Variants in PCDHA12 observed in about 807,000 individuals in gnomAD.
PCDHA12 encodes protocadherin alpha-12.
A neutral mutation model predicts 60.0 loss-of-function variants in PCDHA12; 44 were observed. That is an observed-to-expected ratio of 0.73 (90% CI 0.58 to 0.94). PCDHA12 has a LOEUF of 0.94. Among genes scored for constraint, PCDHA12 ranks in the 40% least tolerant of loss-of-function variants. The pLI is 0.00. For missense variants in PCDHA12, 1,276 were observed against 1,239.7 expected (o/e 1.03, Z -0.44); for synonymous variants, 569 against 553.0 (o/e 1.03, Z -0.40).
At chr5:140,952,794 G>T (rs2094798904) in intron 1 of PCDHA12, among the ~76,000 whole-genome samples, 1 of 152,140 alleles carries the variant, frequency 6.6e-6, no homozygotes, top group Admixed American at 6.5e-5. Context: ...GGTTTAACTG[G>T]CTCGCAGTTC....
chr5:140,990,055 C>T (rs1563562429), intron 3 of PCDHA12, among the ~76,000 whole-genome samples: 2 of 151,866 alleles, frequency 1.3e-5, no homozygotes, highest in Non-Finnish European at 1.5e-5. Context: ...GATGGTAATA[C>T]TTAAAGGAAA....
At position 140,877,155 on chromosome 5, in the gene PCDHA12, C is replaced by T; in HGVS notation, c.1683C>T (p.Asn561=). The T allele has an allele frequency of 1.2e-6, 2 of 1,613,798 alleles. No individual in the cohort carries two copies. Among genetic ancestry groups the T allele is most frequent in the Non-Finnish European group, 1.7e-6 (2 of 1,179,840 alleles). ...TGTTCGTGCTGGACGAGAACGACAACGCGCCGGCACTGCTGGCGACTCCGG... is the reference window on the plus strand; with the variant it reads ...TGTTCGTGCTGGACGAGAACGACAATGCGCCGGCACTGCTGGCGACTCCGG... ...LQVFVLDEND[N]APALLATPAG... Residue 561 remains asparagine (N), a synonymous_variant, in exon 1 of 4, where the codon AAC becomes AAT. Transcript: ENST00000398631.
chr5:140,897,311 C>T (rs1460942002), intron 1 of PCDHA12, among the ~76,000 whole-genome samples: 7 of 150,308 alleles, frequency 4.7e-5, no homozygotes, highest in Non-Finnish European at 7.4e-5. Context: ...TTAGGTATAT[C>T]TCCTAAAGCT....
At chr5:140,926,517 C>G (rs1428470636) in intron 1 of PCDHA12, 1 of 201,972 alleles carries the variant, frequency 5.0e-6, no homozygotes. Flanking sequence ...CCAGGCTCCG[C>G]CCTGCGCCCG....
intron 3 of PCDHA12, among the ~76,000 whole-genome samples, chr5:140,988,599 G>A (rs782117836): frequency 6.6e-6 from 1 of 152,154 alleles, no homozygotes; most frequent in Non-Finnish European, 1.5e-5. Flanking sequence ...TAATGGTCAT[G>A]TAAATAAAAG....
In PCDHA12 at chr5:140,982,461, G is replaced by A. The variant is rs765899879; in HGVS notation, c.2427-14G>A. The A allele has an allele frequency of 4.7e-5, 76 of 1,614,088 alleles. No individual in the cohort carries two copies. The highest frequency in any genetic ancestry group is 5.8e-5 in the Non-Finnish European group (68 of 1,180,014). On this transcript the variant is annotated splice_polypyrimidine_tract_variant and intron_variant, in intron 2 of 3. Coordinates refer to ENST00000398631, the MANE Select transcript of PCDHA12 (RefSeq NM_018903.4). ...TATGATCTAACCGTTATCTGGGTCTGTGTGTTTATTCAGCTCTGTGCACCT... is the reference window on the plus strand; with the variant it reads ...TATGATCTAACCGTTATCTGGGTCTATGTGTTTATTCAGCTCTGTGCACCT...
intron 1 of PCDHA12, chr5:140,882,620 C>T: frequency 6.2e-7 from 1 of 1,614,220 alleles, no homozygotes; most frequent in Non-Finnish European, 8.5e-7. Flanking sequence ...GCAGGTTTTC[C>T]ATGTGGAGGT....
intron 1 of PCDHA12, among the ~76,000 whole-genome samples, chr5:140,976,377 C>T (rs1472568038): frequency 2.0e-5 from 3 of 151,896 alleles, no homozygotes; most frequent in Admixed American, 6.6e-5. Flanking sequence ...ATGGTGAAAC[C>T]CCATCTCTAC....
At chr5:140,978,587 T>C (rs1260706970) in intron 1 of PCDHA12, among the ~76,000 whole-genome samples, 5 of 152,250 alleles carry the variant, frequency 3.3e-5, no homozygotes, top group Admixed American at 6.5e-5. Context: ...GAATGTTCCC[T>C]TAATGGGGCA....
At chr5:140,890,237 A>G (rs1554184228) in intron 1 of PCDHA12, among the ~76,000 whole-genome samples, 1 of 152,154 alleles carries the variant, frequency 6.6e-6, no homozygotes, top group East Asian at 1.9e-4. Flanking sequence ...TTAAGCATTT[A>G]CCAGTACACT....
chr5:140,877,000 G>C lies in PCDHA12; in HGVS notation c.1528G>C (p.Val510Leu). The change falls in exon 1 of 4, where the codon GTG becomes CTG. Residue 510 changes from valine to leucine, a missense_variant. Transcript: ENST00000398631. The part of the protein sequence containing the change: ...GEHALSSYVS[V>L]HAESGKVYAL... Reference sequence around the variant, plus strand: ...GCACGCACTGTCGAGCTACGTGTCGGTGCACGCGGAGAGCGGCAAGGTGTA... The same window carrying C: ...GCACGCACTGTCGAGCTACGTGTCGCTGCACGCGGAGAGCGGCAAGGTGTA... 1 of 1,612,598 alleles carries C rather than the reference G, an allele frequency of 6.2e-7. No homozygotes were observed. Among genetic ancestry groups the C allele is most frequent in the Non-Finnish European group, 8.5e-7 (1 of 1,179,806 alleles).
chr5:140,895,692 A>G (rs1367486030), intron 1 of PCDHA12, among the ~76,000 whole-genome samples: 1 of 152,138 alleles, frequency 6.6e-6, no homozygotes, highest in African/African-American at 2.4e-5. Flanking sequence ...CTGTTTCTAT[A>G]TTAATTCACT....
rs185567567 is a variant in PCDHA12, at chr5:140,888,396, T to C, written c.2367+10557T>C. 3.4e-3 allele frequency among the ~76,000 whole-genome samples: 514 copies of C among 152,282 alleles called. 3 individuals are homozygous for C. The highest frequency in any genetic ancestry group is 0.014 in the Middle Eastern group (4 of 294). On this transcript the variant is annotated intron_variant, in intron 1 of 3. Coordinates refer to ENST00000398631, the MANE Select transcript of PCDHA12 (RefSeq NM_018903.4). The stretch of plus-strand genomic sequence containing the variant: ...AGCTCTGAGATGCTGCTAAACACCA[T>C]CCAATTGCTGCCAAACATCCTACCG...
At chr5:140,922,735 G>A (rs1370700616) in intron 1 of PCDHA12, among the ~76,000 whole-genome samples, 2 of 152,078 alleles carry the variant, frequency 1.3e-5, no homozygotes, top group Admixed American at 1.3e-4. Flanking sequence ...ACAAGGTTGA[G>A]AAAAATAAAT....
At chr5:140,928,298 C>T in intron 1 of PCDHA12, 2 of 1,614,128 alleles carry the variant, frequency 1.2e-6, no homozygotes, top group South Asian at 1.1e-5. Context: ...CGAGTGTTTG[C>T]CCAGGACCCC....
Position 141,009,839 on chromosome 5 carries a change from A to G in PCDHA12, c.2728A>G (p.Lys910Glu), listed in dbSNP as rs2098414795. 6.2e-7 allele frequency: 1 copy of G among 1,614,164 alleles called. No individual in the cohort carries two copies. Residue 910 changes from lysine (K) to glutamate (E), a missense_variant, in exon 4 of 4, where the codon AAG becomes GAG. Coordinates refer to ENST00000398631, the MANE Select transcript of PCDHA12 (RefSeq NM_018903.4). The part of the protein sequence containing the change: ...DKSDFITFGK[K>E]EETKKKKKKK... ...AAGTGACTTCATAACCTTCGGCAAA[A>G]AGGAGGAGACCAAGAAAAAGAAGAA...
At chr5:141,004,580 A>T (rs782539696) in intron 3 of PCDHA12, among the ~76,000 whole-genome samples, 1 of 152,222 alleles carries the variant, frequency 6.6e-6, no homozygotes, top group Non-Finnish European at 1.5e-5. Context: ...TGTGTTCTGC[A>T]TCTCCAGATG....
In PCDHA12 at chr5:141,010,336, G is replaced by A. The variant is rs1297379181; in HGVS notation, c.*399G>A. ...AGATTGAGCAGCTTGGGAGTTTGTG[G>A]CCACTGGGTATGTGTGGCTACCGCG... On this transcript the variant is annotated 3_prime_UTR_variant, in exon 4 of 4. Coordinates refer to ENST00000398631, the MANE Select transcript of PCDHA12 (RefSeq NM_018903.4). 25 of 1,535,806 alleles carry A rather than the reference G, an allele frequency of 1.6e-5. No individual in the cohort carries two copies. The highest frequency in any genetic ancestry group is 2.2e-5 in the Non-Finnish European group (25 of 1,141,450).
intron 1 of PCDHA12, chr5:140,969,308 A>G (rs782412499): frequency 1.9e-6 from 3 of 1,614,196 alleles, no homozygotes; most frequent in Middle Eastern, 3.3e-4. Context: ...TATTCTCAAA[A>G]ATGAGGCTGT....
Sources: gnomAD v4.1 joint callset for allele counts (sites outside exome capture counted in the v4.1 genomes callset) on GRCh38, gnomAD v4.1.1 for gene constraint, MANE v1.5 for transcripts, NCBI Gene and HGNC (gene_info 2026-07-23, HGNC 2026-07-21) for gene names.